Variants in KPNA1 observed in about 807,000 individuals in gnomAD.
KPNA1 encodes the protein importin subunit alpha-5.
In KPNA1, 10 loss-of-function variants were observed where a neutral mutation model predicts 70.5. That is an observed-to-expected ratio of 0.14 (90% CI 0.09 to 0.24). The LOEUF (loss-of-function observed/expected upper bound fraction) is 0.24, where lower values mean the gene tolerates loss of function less well. Ranked by LOEUF, KPNA1 falls within the 10% of genes least tolerant of loss-of-function variation. KPNA1 has a pLI of 1.00. For missense variants in KPNA1, 397 were observed against 637.9 expected (o/e 0.62, Z 4.07); for synonymous variants, 192 against 221.9 (o/e 0.87, Z 1.20).
Position 122,502,378 on chromosome 3 carries a change from T to C in KPNA1, c.-5-5808A>G, listed in dbSNP as rs755641477. The stretch of plus-strand genomic sequence containing the variant: ...TGAGGTCATGAGGGTCCCACCCTGA[T>C]AAGACTGGTGTCGTTATAACAGAAT... On this transcript the variant is annotated intron_variant, in intron 1 of 13. Transcript: ENST00000344337. Among the ~76,000 whole-genome samples, 28 of 152,340 alleles carry C rather than the reference T, an allele frequency of 1.8e-4. 1 individual carries two copies. The Middle Eastern group carries it at 0.014, about 74-fold the overall frequency.
rs1360235008 is a variant in KPNA1 at position 122,498,090 on chromosome 3, A to G, written c.-5-1520T>C. On this transcript the variant is annotated intron_variant, in intron 1 of 13. Transcript: ENST00000344337. ...TGAGAGTCCAACCTCATTTTTTTGCATGTGTCTATCCAGCTGTCCCAACAA... is the reference window on the plus strand; with the variant it reads ...TGAGAGTCCAACCTCATTTTTTTGCGTGTGTCTATCCAGCTGTCCCAACAA... Among the ~76,000 whole-genome samples, 3 of 152,092 alleles carry G rather than the reference A, an allele frequency of 2.0e-5. No individual in the cohort carries two copies. In the East Asian group the frequency reaches 5.8e-4, roughly 29 times the overall value.
chr3:122,493,698 A>C (rs2076726018), intron 2 of KPNA1, among the ~76,000 whole-genome samples: 1 of 152,170 alleles, frequency 6.6e-6, no homozygotes, highest in Non-Finnish European at 1.5e-5. Context: ...AATTCCCAAG[A>C]ACATAGTCTT....
intron 1 of KPNA1, among the ~76,000 whole-genome samples, chr3:122,510,317 G>A (rs1437716403): frequency 6.6e-6 from 1 of 152,156 alleles, no homozygotes; most frequent in Non-Finnish European, 1.5e-5. Flanking sequence ...AGAAGTTTAA[G>A]GATGATGAAA....
Position 122,427,031 on chromosome 3 carries a change from T to A in KPNA1, c.1571A>T (p.Tyr524Phe), listed in dbSNP as rs2075832000. The change falls in exon 14 of 14, where the codon TAC (tyrosine) becomes TTC (phenylalanine). Residue 524 changes from tyrosine (Y) to phenylalanine (F), a missense_variant. Transcript: ENST00000344337. ...APQVDLNQQQ[Y>F]IFQQCEAPME... is the part of the protein sequence containing the mutation. ...AGGAGCCTCACACTGTTGGAAGATG[T>A]ACTGCTGCTGGTTAAGGTCAACCTG... 6.2e-7 allele frequency: 1 copy of A among 1,614,086 alleles called. No homozygotes were observed. Among genetic ancestry groups the A allele is most frequent in the African/African-American group, 1.3e-5 (1 of 74,934 alleles).
At chr3:122,445,831 C>G (rs1243561557) in intron 9 of KPNA1, among the ~76,000 whole-genome samples, 18 of 151,786 alleles carry the variant, frequency 1.2e-4, no homozygotes, top group Admixed American at 1.2e-3. Flanking sequence ...GGAAGATGTA[C>G]AAAGCACATG....
At chr3:122,503,008 G>C (rs1370226750) in intron 1 of KPNA1, among the ~76,000 whole-genome samples, 1 of 152,154 alleles carries the variant, frequency 6.6e-6, no homozygotes, top group South Asian at 2.1e-4. Flanking sequence ...TGAGATGGGA[G>C]CATCACTTGA....
intron 2 of KPNA1, among the ~76,000 whole-genome samples, chr3:122,472,146 T>C (rs2076449985): frequency 1.3e-5 from 2 of 152,198 alleles, no homozygotes; most frequent in Admixed American, 1.3e-4. Context: ...TACACATTTT[T>C]ACACTCATAG....
chr3:122,504,301 A>ATT lies in KPNA1; in HGVS notation c.-5-7733_-5-7732dup, dbSNP rs35024931. ...CCCACCTCCTGGTTCACAGATGACCATTTTTTTCACTGTGTATTCACATAG... is the reference window on the plus strand; with the variant it reads ...CCCACCTCCTGGTTCACAGATGACCATTTTTTTTTCACTGTGTATTCACATAG... On this transcript the variant is annotated intron_variant, in intron 1 of 13. Transcript: ENST00000344337. 1.3e-4 allele frequency among the ~76,000 whole-genome samples: 20 copies of ATT among 152,022 alleles called. No individual in the cohort carries two copies. In the East Asian group the frequency reaches 3.5e-3, roughly 27 times the overall value.
chr3:122,434,466 G>C (rs968824193), intron 11 of KPNA1, among the ~76,000 whole-genome samples: 1 of 152,126 alleles, frequency 6.6e-6, no homozygotes, highest in African/African-American at 2.4e-5. Flanking sequence ...CTTCTCACTG[G>C]AGCATCAGCC....
rs773037206 is a variant in KPNA1, at chr3:122,427,114, G to A, written c.1488C>T (p.Ala496=). 3 of 1,614,060 alleles carry A rather than the reference G, an allele frequency of 1.9e-6. No individual in the cohort carries two copies. Among genetic ancestry groups the A allele is most frequent in the Non-Finnish European group, 2.5e-6 (3 of 1,179,972 alleles). ...CGAAGTAATGCTCAATAAGATCAAA[G>A]GCCTTTTGGTAGATCTCCTGGTTTT... ...SHENQEIYQK[A]FDLIEHYFGT... The change falls in exon 14 of 14, where the codon GCC becomes GCT. Residue 496 remains alanine, a synonymous_variant. Coordinates refer to ENST00000344337, the MANE Select transcript of KPNA1 (RefSeq NM_002264.4).
At chr3:122,427,974 T>C (rs1576268697) in intron 12 of KPNA1, among the ~76,000 whole-genome samples, 1 of 152,226 alleles carries the variant, frequency 6.6e-6, no homozygotes, top group East Asian at 1.9e-4. Context: ...AAAACAGGAA[T>C]ACTTACTTAT....
At chr3:122,505,686 T>G (rs980889860) in intron 1 of KPNA1, among the ~76,000 whole-genome samples, 2 of 152,104 alleles carry the variant, frequency 1.3e-5, no homozygotes, top group Non-Finnish European at 2.9e-5. Context: ...ATACTGGTGG[T>G]GAAATAGAAA....
intron 10 of KPNA1, 80 bp from the exon 11 acceptor site, chr3:122,437,375 A>G: frequency 9.9e-7 from 1 of 1,007,986 alleles, no homozygotes; most frequent in Non-Finnish European, 1.4e-6. Flanking sequence ...CATTTTATGA[A>G]AGACATAACA....
Position 122,423,166 on chromosome 3 carries a change from T to C in KPNA1, c.*3819A>G, listed in dbSNP as rs1408498912. On this transcript the variant is annotated 3_prime_UTR_variant, in exon 14 of 14. Coordinates refer to ENST00000344337, the MANE Select transcript of KPNA1 (RefSeq NM_002264.4). ...CTTTATGATAGCCAACTTACTGTAGTAGTCACATCTGACCTTTGATAATTT... is the reference window on the plus strand; with the variant it reads ...CTTTATGATAGCCAACTTACTGTAGCAGTCACATCTGACCTTTGATAATTT... 3 of 152,212 alleles carry C rather than the reference T, an allele frequency of 2.0e-5. No individual in the cohort carries two copies. Among genetic ancestry groups the C allele is most frequent in the African/African-American group, 7.2e-5 (3 of 41,444 alleles). 9.4% of individuals were successfully genotyped at this position (152,212 alleles called of 1,614,324 possible).
At chr3:122,482,813 C>A (rs538014578) in intron 2 of KPNA1, among the ~76,000 whole-genome samples, 1 of 152,232 alleles carries the variant, frequency 6.6e-6, no homozygotes, top group East Asian at 1.9e-4. Flanking sequence ...ACACCAAAAA[C>A]TACAAATTGC....
chr3:122,449,172 G>A (rs964302536), intron 9 of KPNA1, among the ~76,000 whole-genome samples: 6 of 152,062 alleles, frequency 3.9e-5, no homozygotes, highest in South Asian at 2.1e-4. Flanking sequence ...AAAGCATCAC[G>A]GAGATGATAA....
intron 2 of KPNA1, among the ~76,000 whole-genome samples, chr3:122,495,726 CAAAAAAAA>C (rs397876048): frequency 1.5e-5 from 1 of 67,948 alleles, no homozygotes; most frequent in Non-Finnish European, 2.6e-5. Context: ...CTCTCCTTAG[CAAAAAAAA>C]AAAAAAAAAA....
intron 2 of KPNA1, among the ~76,000 whole-genome samples, chr3:122,488,793 T>C (rs1288247322): frequency 6.6e-6 from 1 of 152,218 alleles, no homozygotes; most frequent in Non-Finnish European, 1.5e-5. Context: ...TCTGGGCGTT[T>C]TTAAGAGTTT....
intron 1 of KPNA1, among the ~76,000 whole-genome samples, chr3:122,502,477 C>A (rs1436396825): frequency 6.6e-6 from 1 of 152,186 alleles, no homozygotes; most frequent in African/African-American, 2.4e-5. Context: ...TGTCTGCAAG[C>A]AAAAGAGTGC....
Sources: allele counts gnomAD v4.1 joint callset (sites outside exome capture counted in the v4.1 genomes callset), GRCh38; gene constraint gnomAD v4.1.1; transcripts MANE v1.5; gene names NCBI Gene and HGNC (gene_info 2026-07-23, HGNC 2026-07-21).